Variants in SLC2A9 observed in about 807,000 individuals in gnomAD.
The protein encoded by SLC2A9 is solute carrier family 2, facilitated glucose transporter member 9.
Under a neutral mutation model 50.6 loss-of-function variants are expected in SLC2A9, and 39 were observed. That is an observed-to-expected ratio of 0.77 (90% CI 0.60 to 1.01). SLC2A9 has a LOEUF of 1.01. SLC2A9 is among the 50% of genes least tolerant of loss of function. The pLI, the probability that SLC2A9 is intolerant of heterozygous loss-of-function variation, is 0.00. For missense variants in SLC2A9, 686 were observed against 677.6 expected (o/e 1.01, Z -0.14); for synonymous variants, 324 against 276.9 (o/e 1.17, Z -1.69).
At chr4:9,882,422 G>C (rs1437506959) in intron 10 of SLC2A9, among the ~76,000 whole-genome samples, 1 of 152,104 alleles carries the variant, frequency 6.6e-6, no homozygotes, top group Admixed American at 6.5e-5. Flanking sequence ...TATGTGATTT[G>C]GGAAAAATTA....
At chr4:9,830,613 C>G (rs1315541340) in intron 11 of SLC2A9, among the ~76,000 whole-genome samples, 5 of 152,190 alleles carry the variant, frequency 3.3e-5, no homozygotes, top group African/African-American at 7.2e-5. Context: ...ACCCAATATT[C>G]TTCAGGTTGA....
At chr4:9,789,177 C>A (rs987379751) in intron 3 of SLC2A9, among the ~76,000 whole-genome samples, 1 of 152,154 alleles carries the variant, frequency 6.6e-6, no homozygotes, top group Non-Finnish European at 1.5e-5. Flanking sequence ...AATCTTGATT[C>A]TCTAATGTTC....
At position 9,782,058 on chromosome 4, in the gene SLC2A9, C is replaced by T; in HGVS notation, n.386-1993G>A. 1 of 1,486,554 alleles carries T rather than the reference C, an allele frequency of 6.7e-7. No homozygotes were observed. The highest frequency in any genetic ancestry group is 2.4e-5 in the East Asian group (1 of 42,282). 92.1% of individuals were successfully genotyped at this position (1,486,554 alleles called of 1,614,324 possible). A position where few individuals can be genotyped will look rare whatever the true frequency, so the allele number is the denominator to read the frequency against. On this transcript the variant is annotated intron_variant and non_coding_transcript_variant, in intron 3 of 3. Transcript: ENST00000503803. ...CTGCCGCCAGGCAGCAACGGCACCGCGTACCCGGGGCAGTTCGCTCTATAC... is the reference window on the plus strand; with the variant it reads ...CTGCCGCCAGGCAGCAACGGCACCGTGTACCCGGGGCAGTTCGCTCTATAC...
intron 6 of SLC2A9, among the ~76,000 whole-genome samples, chr4:9,939,910 A>G (rs1222942338): frequency 1.3e-5 from 2 of 152,216 alleles, no homozygotes; most frequent in Non-Finnish European, 2.9e-5. Context: ...TGAAAATTTC[A>G]ATAAGCTATT....
At chr4:9,853,697 C>T (rs931681667) in intron 10 of SLC2A9, among the ~76,000 whole-genome samples, 2 of 152,186 alleles carry the variant, frequency 1.3e-5, no homozygotes, top group African/African-American at 4.8e-5. Flanking sequence ...ACAGAATAGA[C>T]ATTCTTCTCA....
chr4:9,862,712 GC>G (rs1731848014), intron 10 of SLC2A9, among the ~76,000 whole-genome samples: 1 of 151,884 alleles, frequency 6.6e-6, no homozygotes, highest in African/African-American at 2.4e-5. Flanking sequence ...TCTCACGGAG[GC>G]CCTTCCTGTC....
intron 8 of SLC2A9, among the ~76,000 whole-genome samples, chr4:9,890,928 C>T (rs529954316): frequency 1.3e-5 from 2 of 152,342 alleles, no homozygotes; most frequent in East Asian, 3.9e-4. Context: ...TGAGCACCTA[C>T]AGCATTAATA....
In SLC2A9 at chr4:9,805,743, G is replaced by C. The variant is rs147410123; in HGVS notation, n.421-6502C>G. The stretch of plus-strand genomic sequence containing the variant: ...AAAAGCCCCCTTTGATCTTGATAAA[G>C]AAGCATCCACTCTATCTTCCATAAC... On this transcript the variant is annotated intron_variant and non_coding_transcript_variant, in intron 3 of 3. Coordinates refer to the SLC2A9 transcript ENST00000503280. Among the ~76,000 whole-genome samples, 475 of 141,748 alleles carry C rather than the reference G, an allele frequency of 3.4e-3. 4 individuals are homozygous for C. Among genetic ancestry groups the C allele is most frequent in the African/African-American group, 0.012 (449 of 38,374 alleles). 93.0% of individuals were successfully genotyped at this position (141,748 alleles called of 152,430 possible).
intron 6 of SLC2A9, among the ~76,000 whole-genome samples, chr4:9,929,721 C>T (rs1375643035): frequency 6.7e-6 from 1 of 150,142 alleles, no homozygotes; most frequent in East Asian, 1.9e-4. Flanking sequence ...CAACCCACAC[C>T]GGGGCTCCAG....
rs146509877 is a variant in SLC2A9, at chr4:9,856,665, A to C, written c.1292-21657T>G. ...CTACCATAAAGACAGATGCATGTGT[A>C]TGTTCATTGCAGCAACTATTCACAA... On this transcript the variant is annotated intron_variant, in intron 10 of 11. Coordinates refer to ENST00000264784, the MANE Select transcript of SLC2A9 (RefSeq NM_020041.3). Among the ~76,000 whole-genome samples, 729 of 151,912 alleles carry C rather than the reference A, an allele frequency of 4.8e-3. 4 individuals carry two copies. The highest frequency in any genetic ancestry group is 0.021 in the South Asian group (102 of 4,828).
At chr4:10,025,988 A>T (rs765754948), upstream of SLC2A9, 42 of 1,612,776 alleles carry the variant, frequency 2.6e-5, no homozygotes, top group Non-Finnish European at 3.4e-5. Flanking sequence ...CAGGTTTTGA[A>T]CTTTTGTTGT....
intron 10 of SLC2A9, among the ~76,000 whole-genome samples, chr4:9,835,486 G>C (rs549195612): frequency 1.3e-4 from 20 of 152,196 alleles, no homozygotes; most frequent in Non-Finnish European, 2.4e-4. Context: ...TCTCAGACAA[G>C]ACAGAGTGGG....
downstream of SLC2A9, among the ~76,000 whole-genome samples, chr4:9,794,389 C>T (rs1313530133): frequency 1.3e-5 from 2 of 152,188 alleles, no homozygotes; most frequent in Non-Finnish European, 2.9e-5. Context: ...CTCCTGACTT[C>T]AGGTGATCCA....
chr4:9,959,242 A>C (rs1166997704), intron 5 of SLC2A9, among the ~76,000 whole-genome samples: 2 of 151,026 alleles, frequency 1.3e-5, no homozygotes, highest in Non-Finnish European at 3.0e-5. Context: ...AAATACAAAA[A>C]TTAGCCAGGC....
chr4:9,985,663 T>G lies in SLC2A9; in HGVS notation c.535+6A>C, dbSNP rs1399673412. ...CTGTTCCCTCCCCGTCATGGTGAACTCTCACCTCCATCTATGCCCATGATG... is the reference window on the plus strand; with the variant it reads ...CTGTTCCCTCCCCGTCATGGTGAACGCTCACCTCCATCTATGCCCATGATG... On this transcript the variant is annotated splice_donor_region_variant and intron_variant, in intron 4 of 11. Transcript: ENST00000264784. 1 of 1,613,840 alleles carries G rather than the reference T, an allele frequency of 6.2e-7. No individual in the cohort carries two copies. The highest frequency in any genetic ancestry group is 2.2e-5 in the East Asian group (1 of 44,888).
At chr4:10,031,690 C>A (rs1763944736) in intron 1 of SLC2A9, among the ~76,000 whole-genome samples, 1 of 152,194 alleles carries the variant, frequency 6.6e-6, no homozygotes, top group Non-Finnish European at 1.5e-5. Flanking sequence ...CAGGAAGGGG[C>A]CGGAGGACTC....
Position 9,936,370 on chromosome 4 carries a change from G to A in SLC2A9, c.814+5543C>T, listed in dbSNP as rs527243569. ...GGCAGCTTTCCTGAGTCACACAGCT[G>A]TGGTATGGGGAAGACGGGGCTGGAC... On this transcript the variant is annotated intron_variant, in intron 6 of 11. Coordinates refer to ENST00000264784, the MANE Select transcript of SLC2A9 (RefSeq NM_020041.3). Among the ~76,000 whole-genome samples the A allele has an allele frequency of 2.2e-4, 33 of 152,324 alleles. 1 individual carries two copies. The highest frequency in any genetic ancestry group is 2.0e-3 in the Admixed American group (30 of 15,296).
intron 2 of SLC2A9, among the ~76,000 whole-genome samples, chr4:10,014,664 G>C (rs930448478): frequency 2.0e-5 from 3 of 152,178 alleles, no homozygotes; most frequent in Admixed American, 1.3e-4. Context: ...GTAGAATACA[G>C]TCCTTCAGCT....
At chr4:9,782,418 A>G (rs1718563272) in intron 3 of SLC2A9, 1 of 1,613,696 alleles carries the variant, frequency 6.2e-7, no homozygotes, top group Non-Finnish European at 8.5e-7. Context: ...TCCATCCTGA[A>G]CCTGTGCGTC....
Sources: allele counts gnomAD v4.1 joint callset (sites outside exome capture counted in the v4.1 genomes callset), GRCh38; gene constraint gnomAD v4.1.1; transcripts MANE v1.5; gene names NCBI Gene and HGNC (gene_info 2026-07-23, HGNC 2026-07-21).